PDE1A: variants seen among roughly 807,000 people sequenced by gnomAD.
The protein encoded by PDE1A is phosphodiesterase 1A.
Under a neutral mutation model 61.7 loss-of-function variants are expected in PDE1A, and 35 were observed. That is an observed-to-expected ratio of 0.57 (90% CI 0.43 to 0.75). The LOEUF (loss-of-function observed/expected upper bound fraction) is 0.75, where lower values mean the gene tolerates loss of function less well. PDE1A is among the 30% of genes least tolerant of loss of function. PDE1A has a pLI of 0.00. For missense variants in PDE1A, 597 were observed against 630.6 expected, an observed-to-expected ratio of 0.95 and a Z score of 0.57; for synonymous variants, 232 against 213.2, an observed-to-expected ratio of 1.09 and a Z score of -0.77.
intron 1 of PDE1A, among the ~76,000 whole-genome samples, chr2:182,350,071 C>T (rs182309006): frequency 1.3e-4 from 20 of 152,230 alleles, no homozygotes; most frequent in African/African-American, 4.8e-4. Context: ...ATCCTGCCCC[C>T]ACCGAGTGTA....
intron 1 of PDE1A, among the ~76,000 whole-genome samples, chr2:182,350,229 A>G (rs1010230150): frequency 6.6e-6 from 1 of 152,158 alleles, no homozygotes; most frequent in Non-Finnish European, 1.5e-5. Flanking sequence ...AGATTAATGT[A>G]TCTTGTTGTT....
chr2:182,453,087 T>G (rs910643796), intron 2 of PDE1A, among the ~76,000 whole-genome samples: 1 of 152,168 alleles, frequency 6.6e-6, no homozygotes, highest in Non-Finnish European at 1.5e-5. Flanking sequence ...CTGAGACTAT[T>G]TTTTCATGTG....
chr2:182,603,238 A>G, the PDE1A span, among the ~76,000 whole-genome samples: 14 of 109,200 alleles, frequency 1.3e-4, no homozygotes, highest in Non-Finnish European at 2.3e-4. Context: ...TTAGGAAAAT[A>G]TCATCAGTTT....
At chr2:182,337,814 T>C (rs868279492) in intron 1 of PDE1A, among the ~76,000 whole-genome samples, 1 of 152,132 alleles carries the variant, frequency 6.6e-6, no homozygotes, top group Admixed American at 6.6e-5. Context: ...TAAAGGTAAA[T>C]ATAGGATTTT....
chr2:182,277,577 G>A (rs1693516081), intron 1 of PDE1A, among the ~76,000 whole-genome samples: 1 of 152,046 alleles, frequency 6.6e-6, no homozygotes, highest in South Asian at 2.1e-4. Context: ...GGCAAACAAA[G>A]CAAGTAACTT....
chr2:182,553,349 G>A, the PDE1A span, among the ~76,000 whole-genome samples: 5 of 152,148 alleles, frequency 3.3e-5, no homozygotes, highest in African/African-American at 7.2e-5. Context: ...TCCTGCCTCA[G>A]CCTCCTGAGT....
intron 1 of PDE1A, among the ~76,000 whole-genome samples, chr2:182,265,050 A>G (rs759676976): frequency 6.6e-6 from 1 of 151,662 alleles, no homozygotes; most frequent in Admixed American, 6.6e-5. Flanking sequence ...AGTGGGAGCT[A>G]AACTGTGAGA....
intron 1 of PDE1A, among the ~76,000 whole-genome samples, chr2:182,386,519 C>A (rs905198935): frequency 1.3e-5 from 2 of 149,180 alleles, no homozygotes; most frequent in African/African-American, 5.0e-5. Flanking sequence ...AGGTGAGGAA[C>A]GTCTCTGCCC....
the PDE1A span, among the ~76,000 whole-genome samples, chr2:182,712,437 CAT>C: frequency 1.3e-5 from 2 of 152,208 alleles, no homozygotes; most frequent in African/African-American, 4.8e-5. Flanking sequence ...TGTTAAAAAA[CAT>C]AAACCAGTTT....
chr2:182,446,393 A>G (rs1685135907), intron 2 of PDE1A, among the ~76,000 whole-genome samples: 1 of 152,084 alleles, frequency 6.6e-6, no homozygotes, highest in South Asian at 2.1e-4. Flanking sequence ...GTTTACCCCA[A>G]ATAAAATCAG....
At chr2:182,526,486 T>TG (rs145031660), upstream of PDE1A, among the ~76,000 whole-genome samples, 176 of 152,298 alleles carry the variant, frequency 1.2e-3, no homozygotes, top group Non-Finnish European at 2.1e-3. Flanking sequence ...AGGCTACCCA[T>TG]GTAGTCAATT....
At chr2:182,511,497 T>C (rs1689786745) in intron 2 of PDE1A, among the ~76,000 whole-genome samples, 1 of 152,094 alleles carries the variant, frequency 6.6e-6, no homozygotes, top group Non-Finnish European at 1.5e-5. Flanking sequence ...ACATACTGAC[T>C]TTTGAGCTGG....
At chr2:182,577,317 A>G in the PDE1A span, among the ~76,000 whole-genome samples, 1 of 152,208 alleles carries the variant, frequency 6.6e-6, no homozygotes, top group African/African-American at 2.4e-5. Flanking sequence ...TTGTTACCAA[A>G]TTAAGAATAA....
Position 182,516,695 on chromosome 2 carries a change from A to G in PDE1A, c.101+5581T>C, listed in dbSNP as rs1014513711. Among the ~76,000 whole-genome samples, 414 of 93,994 alleles carry G rather than the reference A, an allele frequency of 4.4e-3. 2 individuals carry two copies. The highest frequency in any genetic ancestry group is 0.018 in the African/African-American group (389 of 21,332). The allele number at this position is 93,994 out of a possible 152,430, so 61.7% of individuals were successfully genotyped here. ...AGGGAAGGAGGGAAGGAGGGAAGGG[A>G]GGAAGGGAGGAAGGAAGGAAGGAAG... On this transcript the variant is annotated intron_variant, in intron 2 of 14. Coordinates refer to the PDE1A transcript ENST00000410103.
chr2:182,561,522 T>C, the PDE1A span, among the ~76,000 whole-genome samples: 4 of 152,192 alleles, frequency 2.6e-5, no homozygotes, highest in African/African-American at 4.8e-5. Flanking sequence ...TGGCTTAGGA[T>C]TGACTTGGCA....
At chr2:182,436,439 C>G (rs577958835) in intron 2 of PDE1A, among the ~76,000 whole-genome samples, 4 of 152,008 alleles carry the variant, frequency 2.6e-5, no homozygotes, top group Middle Eastern at 3.4e-3. Flanking sequence ...TTCCCAAGCC[C>G]CATACTGGAC....
chr2:182,377,966 C>T (rs1700509243), intron 1 of PDE1A, among the ~76,000 whole-genome samples: 1 of 151,998 alleles, frequency 6.6e-6, no homozygotes, highest in Non-Finnish European at 1.5e-5. Flanking sequence ...CCTACCTCAG[C>T]CTCCTGAGTA....
the PDE1A span, among the ~76,000 whole-genome samples, chr2:182,677,869 T>C: frequency 4.6e-5 from 7 of 152,178 alleles, no homozygotes; most frequent in Admixed American, 1.3e-4. Context: ...CAAAAATCAA[T>C]TTTTCTGTAC....
chr2:182,561,706 T>G, the PDE1A span, among the ~76,000 whole-genome samples: 1 of 152,184 alleles, frequency 6.6e-6, no homozygotes, highest in South Asian at 2.1e-4. Context: ...TGTTCTTCCA[T>G]TTGTTTGTAT....
Sources: allele counts gnomAD v4.1 joint callset (sites outside exome capture counted in the v4.1 genomes callset), GRCh38; gene constraint gnomAD v4.1.1; transcripts MANE v1.5; gene names NCBI Gene and HGNC (gene_info 2026-07-23, HGNC 2026-07-21).